LRP1B: variants seen among roughly 807,000 people sequenced by gnomAD.
LRP1B encodes low-density lipoprotein receptor-related protein 1B.
Under a neutral mutation model 556.6 loss-of-function variants are expected in LRP1B, and 217 were observed. The ratio of observed to expected loss-of-function variants is 0.39; its 90% confidence interval spans 0.35 to 0.44. LRP1B has a LOEUF of 0.44. LRP1B is among the 20% of genes least tolerant of loss of function. The probability of loss-of-function intolerance (pLI) is 1.00; values close to 1 mark genes in which losing one functional copy is unlikely to be tolerated. For missense variants in LRP1B, 5,053 were observed against 5,620.8 expected, an observed-to-expected ratio of 0.90 and a Z score of 3.23; for synonymous variants, 2,047 against 1,865.8, an observed-to-expected ratio of 1.10 and a Z score of -2.50.
At chr2:141,586,671 G>T (rs1347312282) in intron 2 of LRP1B, among the ~76,000 whole-genome samples, 2 of 152,100 alleles carry the variant, frequency 1.3e-5, no homozygotes, top group Non-Finnish European at 2.9e-5. Flanking sequence ...GGCCGGGCGC[G>T]GTGGCTCACG....
chr2:141,285,445 A>ATT (rs749012582), intron 3 of LRP1B, among the ~76,000 whole-genome samples: 1 of 132,170 alleles, frequency 7.6e-6, no homozygotes, highest in African/African-American at 2.9e-5. Flanking sequence ...GGTGAGAATA[A>ATT]TTTTTTTTTC....
chr2:141,378,694 G>A (rs1265139266), intron 3 of LRP1B, among the ~76,000 whole-genome samples: 2 of 152,110 alleles, frequency 1.3e-5, no homozygotes, highest in African/African-American at 4.8e-5. Context: ...AACTGACAAA[G>A]AGAACTCATT....
chr2:140,271,090 T>G (rs759549826), intron 85 of LRP1B, among the ~76,000 whole-genome samples: 8 of 151,914 alleles, frequency 5.3e-5, no homozygotes, highest in Non-Finnish European at 1.2e-4. Context: ...ACTGTAAAAA[T>G]AAACATAACA....
intron 2 of LRP1B, among the ~76,000 whole-genome samples, chr2:141,690,396 A>AATAAATAAATATATAT (rs5834858): frequency 1.1e-3 from 30 of 26,888 alleles, no homozygotes; most frequent in South Asian, 1.5e-3. Context: ...TACATCTATA[A>AATAAATAAATATATAT]ATATATATAT....
chr2:141,308,268 C>G (rs1171288503), intron 3 of LRP1B, among the ~76,000 whole-genome samples: 1 of 152,058 alleles, frequency 6.6e-6, no homozygotes, highest in Non-Finnish European at 1.5e-5. Context: ...AACAAATAAA[C>G]AACAACAACA....
chr2:140,397,538 T>C (rs961144704), intron 66 of LRP1B, among the ~76,000 whole-genome samples: 1 of 152,170 alleles, frequency 6.6e-6, no homozygotes, highest in African/African-American at 2.4e-5. Context: ...CCCATAGTCA[T>C]ACAACACAGG....
chr2:141,351,347 A>G (rs896140338), intron 3 of LRP1B, among the ~76,000 whole-genome samples: 4 of 151,918 alleles, frequency 2.6e-5, no homozygotes, highest in African/African-American at 9.7e-5. Context: ...CTACTCTTCA[A>G]CACCTTCTAT....
chr2:141,620,525 G>A (rs1365782562), intron 2 of LRP1B, among the ~76,000 whole-genome samples: 1 of 152,156 alleles, frequency 6.6e-6, no homozygotes, highest in Middle Eastern at 3.2e-3. Flanking sequence ...TTTCATTACA[G>A]ACATATTGGA....
intron 86 of LRP1B, among the ~76,000 whole-genome samples, chr2:140,249,935 T>C (rs879152361): frequency 1.3e-5 from 2 of 151,876 alleles, no homozygotes; most frequent in Admixed American, 6.6e-5. Flanking sequence ...CAAAATCTCC[T>C]GTCCAATTCC....
In LRP1B at chr2:142,084,836, C is replaced by T. The variant is rs575054962; in HGVS notation, c.82+45812G>A. Among the ~76,000 whole-genome samples the T allele has an allele frequency of 6.6e-5, 10 of 152,092 alleles. No homozygotes were observed. The South Asian group carries it at 1.2e-3, about 19-fold the overall frequency. Reference sequence around the variant, plus strand: ...CCTGCTTAAGATGACCTTTTACAAACGAAAGTAGTTTCAAAATTAAATACA... The same window carrying T: ...CCTGCTTAAGATGACCTTTTACAAATGAAAGTAGTTTCAAAATTAAATACA... On this transcript the variant is annotated intron_variant, in intron 1 of 90. Transcript: ENST00000389484.
At chr2:140,576,550 T>C (rs1179829040) in intron 43 of LRP1B, among the ~76,000 whole-genome samples, 1 of 152,198 alleles carries the variant, frequency 6.6e-6, no homozygotes, top group East Asian at 1.9e-4. Context: ...AGGTCAGATA[T>C]CCAGAACACT....
chr2:141,452,699 C>T (rs1200612967), intron 3 of LRP1B, among the ~76,000 whole-genome samples: 1 of 152,188 alleles, frequency 6.6e-6, no homozygotes, highest in Non-Finnish European at 1.5e-5. Context: ...CTAGAATCAA[C>T]TAGTTTGCTT....
intron 3 of LRP1B, among the ~76,000 whole-genome samples, chr2:141,383,017 T>C (rs1689695351): frequency 6.6e-6 from 1 of 152,160 alleles, no homozygotes; most frequent in Non-Finnish European, 1.5e-5. Context: ...TAGTAACTCA[T>C]AAAATAATAG....
intron 41 of LRP1B, among the ~76,000 whole-genome samples, chr2:140,644,401 CTTTT>C (rs34828807): frequency 7.5e-6 from 1 of 132,848 alleles, no homozygotes. Flanking sequence ...TTTCTTTTTT[CTTTT>C]TTTTTTTTTT....
intron 66 of LRP1B, among the ~76,000 whole-genome samples, chr2:140,401,580 C>T (rs753008722): frequency 9.2e-5 from 14 of 152,214 alleles, no homozygotes; most frequent in Admixed American, 3.3e-4. Flanking sequence ...GCATCTCCAC[C>T]TGCCCTGGTA....
chr2:140,236,442 CTTAA>C (rs1680701726), intron 89 of LRP1B, among the ~76,000 whole-genome samples: 1 of 150,840 alleles, frequency 6.6e-6, no homozygotes, highest in Admixed American at 6.6e-5. Context: ...AATTGATACT[CTTAA>C]TTTAGAGAAA....
At chr2:141,884,072 C>T (rs1699036171) in intron 1 of LRP1B, among the ~76,000 whole-genome samples, 1 of 152,068 alleles carries the variant, frequency 6.6e-6, no homozygotes, top group Admixed American at 6.6e-5. Context: ...GAGTCTTTAT[C>T]AACTTTAAAA....
intron 41 of LRP1B, among the ~76,000 whole-genome samples, chr2:140,642,612 T>A (rs1355600500): frequency 6.6e-6 from 1 of 151,962 alleles, no homozygotes; most frequent in Non-Finnish European, 1.5e-5. Flanking sequence ...GAAGCCGAGA[T>A]GGGCGGATCA....
At chr2:140,742,880 C>T (rs1205860374) in intron 35 of LRP1B, among the ~76,000 whole-genome samples, 6 of 151,922 alleles carry the variant, frequency 3.9e-5, no homozygotes, top group East Asian at 3.9e-4. Flanking sequence ...TGACATAATA[C>T]GTAACAATTG....
Sources: gnomAD v4.1 joint callset for allele counts (sites outside exome capture counted in the v4.1 genomes callset) on GRCh38, gnomAD v4.1.1 for gene constraint, MANE v1.5 for transcripts, NCBI Gene and HGNC (gene_info 2026-07-23, HGNC 2026-07-21) for gene names.